The following DOCK4 variants were observed in gnomAD, a reference collection of about 807,000 sequenced individuals.
DOCK4 encodes the protein dedicator of cytokinesis protein 4.
Under a neutral mutation model 268.1 loss-of-function variants are expected in DOCK4, and 97 were observed. The observed-to-expected ratio is 0.36, with a 90% confidence interval of 0.31 to 0.43. DOCK4 has a LOEUF of 0.43. Among genes scored for constraint, DOCK4 ranks in the 20% least tolerant of loss-of-function variants. The probability of loss-of-function intolerance (pLI) is 1.00; values close to 1 mark genes in which losing one functional copy is unlikely to be tolerated. For missense variants in DOCK4, 2,145 were observed against 2,455.7 expected, an observed-to-expected ratio of 0.87 and a Z score of 2.67; for synonymous variants, 954 against 887.2, an observed-to-expected ratio of 1.08 and a Z score of -1.34.
intron 44 of DOCK4, 99 bp from the exon 45 acceptor site, chr7:111,742,231 T>C: frequency 8.0e-7 from 1 of 1,244,222 alleles, no homozygotes; most frequent in Non-Finnish European, 1.1e-6. Context: ...TCGCTTGCAT[T>C]ATTGCTAATC....
chr7:112,013,236 C>CTT (rs1801504110), intron 1 of DOCK4, among the ~76,000 whole-genome samples: 1 of 152,174 alleles, frequency 6.6e-6, no homozygotes, highest in Non-Finnish European at 1.5e-5. Flanking sequence ...CCAGTGCTGA[C>CTT]TTCTTAAGAG....
intron 13 of DOCK4, among the ~76,000 whole-genome samples, chr7:111,908,374 G>A (rs1026085689): frequency 4.6e-5 from 7 of 152,040 alleles, no homozygotes; most frequent in Non-Finnish European, 7.4e-5. Flanking sequence ...CATGAACATG[G>A]AAGGCAGAGC....
At chr7:112,025,068 A>G (rs73210917) in intron 1 of DOCK4, among the ~76,000 whole-genome samples, 22,836 of 152,212 alleles carry the variant, frequency 0.15, 2,282 homozygotes, top group Non-Finnish European at 0.22. Context: ...ATCAACAGAA[A>G]TGTTGAAGAC....
At chr7:112,034,678 T>C (rs886852471) in intron 1 of DOCK4, among the ~76,000 whole-genome samples, 1 of 152,166 alleles carries the variant, frequency 6.6e-6, no homozygotes, top group Non-Finnish European at 1.5e-5. Context: ...GGCGGGTGGA[T>C]TGCTTGAGGC....
intron 25 of DOCK4, among the ~76,000 whole-genome samples, chr7:111,842,376 C>T (rs187867731): frequency 6.6e-6 from 1 of 152,326 alleles, no homozygotes; most frequent in East Asian, 1.9e-4. Flanking sequence ...CTTATTTCTC[C>T]AGCCAAAGGA....
intron 11 of DOCK4, among the ~76,000 whole-genome samples, chr7:111,936,201 T>C (rs904603878): frequency 2.6e-5 from 4 of 152,192 alleles, no homozygotes; most frequent in African/African-American, 9.7e-5. Flanking sequence ...GAAATTGACA[T>C]TAACACAGCT....
At chr7:111,969,694 T>A (rs1450815470) in intron 8 of DOCK4, among the ~76,000 whole-genome samples, 54 of 122,080 alleles carry the variant, frequency 4.4e-4, no homozygotes, top group African/African-American at 1.0e-3. Flanking sequence ...AAAAAAAAAA[T>A]TTACTGTCTA....
chr7:111,749,746 T>C (rs1796507652), intron 42 of DOCK4, among the ~76,000 whole-genome samples: 1 of 152,192 alleles, frequency 6.6e-6, no homozygotes. Context: ...CACTTAGCAT[T>C]CAAAAAATGC....
intron 20 of DOCK4, 150 bp from the exon 21 acceptor site, chr7:111,869,805 C>T: frequency 3.1e-6 from 2 of 646,862 alleles, no homozygotes; most frequent in Non-Finnish European, 2.7e-6. Context: ...AATAATTTTA[C>T]TAAATCTGCA....
intron 25 of DOCK4, among the ~76,000 whole-genome samples, chr7:111,841,399 A>C (rs775716120): frequency 1.3e-5 from 2 of 151,988 alleles, no homozygotes; most frequent in Non-Finnish European, 2.9e-5. Flanking sequence ...TGCCTCAAGC[A>C]ATACGCCCGC....
At chr7:112,038,116 T>G (rs1281419753) in intron 1 of DOCK4, among the ~76,000 whole-genome samples, 1 of 152,246 alleles carries the variant, frequency 6.6e-6, no homozygotes, top group African/African-American at 2.4e-5. Context: ...CATTCATTCA[T>G]CCTTCTATCC....
intron 1 of DOCK4, among the ~76,000 whole-genome samples, chr7:112,071,556 C>T (rs769082): frequency 0.51 from 77,911 of 152,008 alleles, 22,012 homozygotes; most frequent in African/African-American, 0.77. Context: ...GTTAAAAAGT[C>T]CTATTATTAC....
intron 1 of DOCK4, among the ~76,000 whole-genome samples, chr7:112,133,149 T>C (rs969780970): frequency 9.9e-5 from 15 of 152,114 alleles, no homozygotes; most frequent in African/African-American, 3.4e-4. Context: ...CGCATCTCTC[T>C]AGTGTTTTGA....
rs1382037895 is a variant in DOCK4 at position 111,868,024 on chromosome 7, G to A, written c.2240C>T (p.Ser747Leu). The change falls in exon 22 of 53, where the codon TCG (serine) becomes TTG (leucine). Residue 747 changes from serine (S) to leucine (L), a missense_variant. This residue lies in a region of DOCK4 where 1,598 missense variants were observed against 1,986.7 expected (regional missense o/e 0.80). Transcript: ENST00000428084. ...TGCTCCAGACCCTTTGCTCTCTTGC[G>A]AAAGAAAGAAACGGACTGACATGAG... ...ELLMSVRFFLSQESKGSGALS... is the reference protein window; with the variant it reads ...ELLMSVRFFLLQESKGSGALS... 4.3e-6 allele frequency: 7 copies of A among 1,612,008 alleles called. No homozygotes were observed. Among genetic ancestry groups the A allele is most frequent in the South Asian group, 1.1e-5 (1 of 90,636 alleles).
At chr7:111,812,444 CA>C (rs2133917126) in intron 27 of DOCK4, among the ~76,000 whole-genome samples, 1 of 152,168 alleles carries the variant, frequency 6.6e-6, no homozygotes, top group Admixed American at 6.5e-5. Context: ...TGTGTCCAGC[CA>C]AATGGTTTTT....
chr7:112,068,554 T>A (rs574615290), intron 1 of DOCK4, among the ~76,000 whole-genome samples: 1 of 152,210 alleles, frequency 6.6e-6, no homozygotes, highest in South Asian at 2.1e-4. Flanking sequence ...CCACATTGAG[T>A]GCTTAGCACA....
At chr7:112,190,348 G>A (rs1430133864) in intron 1 of DOCK4, among the ~76,000 whole-genome samples, 1 of 152,160 alleles carries the variant, frequency 6.6e-6, no homozygotes, top group Non-Finnish European at 1.5e-5. Context: ...GCAGCTGCAG[G>A]GCACAGAGCA....
rs377273603 is a variant in DOCK4 at position 112,139,128 on chromosome 7, T to G, written c.37+66974A>C. ...TTGGTACCAAGAGTCAGGAAAGAGA[T>G]AAGAAACCGGTAGCTTCAACAGTCG... is the stretch of plus-strand genomic sequence containing the variant. On this transcript the variant is annotated intron_variant, in intron 1 of 52. Coordinates refer to ENST00000428084, the MANE Select transcript of DOCK4 (RefSeq NM_001363540.2). Among the ~76,000 whole-genome samples, 8 of 152,144 alleles carry G rather than the reference T, an allele frequency of 5.3e-5. 1 individual carries two copies. Among genetic ancestry groups the G allele is most frequent in the Admixed American group, 4.6e-4 (7 of 15,262 alleles).
intron 23 of DOCK4, among the ~76,000 whole-genome samples, chr7:111,849,470 C>T (rs1183878129): frequency 6.6e-6 from 1 of 152,040 alleles, no homozygotes; most frequent in Non-Finnish European, 1.5e-5. Context: ...ACCATGTTGG[C>T]CAGGCTGGTC....
Sources: gnomAD v4.1 joint callset for allele counts (sites outside exome capture counted in the v4.1 genomes callset) on GRCh38, gnomAD v4.1.1 for gene constraint, gnomAD v4.1.1 regional missense constraint, MANE v1.5 for transcripts, NCBI Gene and HGNC (gene_info 2026-07-23, HGNC 2026-07-21) for gene names.